The following SH3BGRL variants were observed in gnomAD, a reference collection of about 807,000 sequenced individuals.
SH3BGRL encodes SH3 domain binding glutamate rich protein like.
Under a neutral mutation model 9.8 loss-of-function variants are expected in SH3BGRL, and 7 were observed. That is an observed-to-expected ratio of 0.72 (90% CI 0.41 to 1.35). SH3BGRL has a LOEUF of 1.35. Ranked by LOEUF, SH3BGRL falls within the 40% of genes most tolerant of loss-of-function variation. The pLI, the probability that SH3BGRL is intolerant of heterozygous loss-of-function variation, is 0.01. For synonymous variants in SH3BGRL, 36 were observed against 29.1 expected (o/e 1.24, Z -0.76); for missense variants, 73 against 84.4 (o/e 0.86, Z 0.53).
chrX:81,264,315 A>T (rs961670040), intron 1 of SH3BGRL, among the ~76,000 whole-genome samples: 7 of 111,011 alleles, frequency 6.3e-5, no homozygotes, highest in Non-Finnish European at 9.4e-5. Flanking sequence ...AGTCAGCTAA[A>T]TTTAGACATG....
At chrX:81,265,562 G>A (rs2075754503) in intron 1 of SH3BGRL, among the ~76,000 whole-genome samples, 1 of 111,667 alleles carries the variant, frequency 9.0e-6, no homozygotes, top group African/African-American at 3.3e-5. Context: ...TGGCTGCACA[G>A]TATTCCATGG....
At chrX:81,212,269 A>G (rs919593303) in intron 1 of SH3BGRL, among the ~76,000 whole-genome samples, 1 of 111,261 alleles carries the variant, frequency 9.0e-6, no homozygotes, top group Admixed American at 9.6e-5. Context: ...TAAAGATGTT[A>G]AATTTAAACT....
In SH3BGRL at chrX:81,202,449, T is replaced by A. The variant is rs929702963; in HGVS notation, c.45+204T>A. 9 of 1,003,369 alleles carry A rather than the reference T, an allele frequency of 9.0e-6. No homozygotes were observed. In the Admixed American group the frequency reaches 1.6e-4, roughly 18 times the overall value. The allele number at this position is 1,003,369 out of a possible 1,213,427, so 82.7% of individuals were successfully genotyped here. ...TTTTTCCACATAGAGTTCAGCTTTG[T>A]TTGCTTCGTGACGTTGGGGGGCACA... On this transcript the variant is annotated intron_variant, in intron 1 of 3. Coordinates refer to ENST00000373212, the MANE Select transcript of SH3BGRL (RefSeq NM_003022.3).
intron 1 of SH3BGRL, among the ~76,000 whole-genome samples, chrX:81,269,201 A>G (rs1158893651): frequency 3.6e-5 from 4 of 111,778 alleles, no homozygotes; most frequent in Non-Finnish European, 7.5e-5. Context: ...TAATTGGGGC[A>G]TTTAGCCCAT....
At chrX:81,285,070 G>A (rs1473229877) in intron 3 of SH3BGRL, among the ~76,000 whole-genome samples, 1 of 110,908 alleles carries the variant, frequency 9.0e-6, no homozygotes, top group Non-Finnish European at 1.9e-5. Flanking sequence ...TTGAATTTTG[G>A]TATTTAATAG....
intron 1 of SH3BGRL, among the ~76,000 whole-genome samples, chrX:81,212,755 C>T (rs961249430): frequency 2.7e-5 from 3 of 111,259 alleles, no homozygotes; most frequent in Admixed American, 1.9e-4. Context: ...CTTATGCTGC[C>T]CAAATGCCAG....
intron 1 of SH3BGRL, among the ~76,000 whole-genome samples, chrX:81,269,792 G>C (rs2075771587): frequency 9.0e-6 from 1 of 111,333 alleles, no homozygotes; most frequent in Non-Finnish European, 1.9e-5. Context: ...AGTTCTCCTG[G>C]ATAATATCCT....
At chrX:81,280,853 G>A (rs1269198644) in intron 3 of SH3BGRL, among the ~76,000 whole-genome samples, 1 of 111,238 alleles carries the variant, frequency 9.0e-6, no homozygotes, top group Non-Finnish European at 1.9e-5. Flanking sequence ...AATTCAGGGG[G>A]TTAGTTATTA....
chrX:81,282,531 A>C (rs929165285), intron 3 of SH3BGRL, among the ~76,000 whole-genome samples: 2 of 112,047 alleles, frequency 1.8e-5, no homozygotes, highest in East Asian at 5.6e-4. Context: ...AGGAACCTTC[A>C]AAACCATGGA....
chrX:81,268,663 C>A (rs190692984), intron 1 of SH3BGRL, among the ~76,000 whole-genome samples: 1 of 111,338 alleles, frequency 9.0e-6, no homozygotes, highest in Non-Finnish European at 1.9e-5. Flanking sequence ...AGAATAAGTG[C>A]GATGTGGTGC....
intron 3 of SH3BGRL, among the ~76,000 whole-genome samples, chrX:81,287,657 TG>T (rs1569371166): frequency 9.2e-6 from 1 of 109,007 alleles, no homozygotes; most frequent in African/African-American, 3.4e-5. Flanking sequence ...TGTCTGTGGG[TG>T]GGGGAGTAGG....
intron 1 of SH3BGRL, among the ~76,000 whole-genome samples, chrX:81,233,269 C>T: frequency 8.9e-6 from 1 of 111,920 alleles, no homozygotes; most frequent in East Asian, 2.8e-4. Context: ...TGTTTAAGTG[C>T]AAGACTTATT....
chrX:81,277,687 A>G (rs2075802672), intron 2 of SH3BGRL, among the ~76,000 whole-genome samples: 1 of 112,392 alleles, frequency 8.9e-6, no homozygotes, highest in Admixed American at 9.4e-5. Context: ...ACAGTGTCTG[A>G]CCAGAAATAA....
At chrX:81,252,033 C>T (rs1256369962) in intron 1 of SH3BGRL, among the ~76,000 whole-genome samples, 2 of 111,895 alleles carry the variant, frequency 1.8e-5, no homozygotes, top group East Asian at 2.8e-4. Context: ...AAGATAGTTA[C>T]TTAGGTGTTG....
At chrX:81,270,199 G>T (rs1203575400) in intron 1 of SH3BGRL, among the ~76,000 whole-genome samples, 1 of 111,064 alleles carries the variant, frequency 9.0e-6, no homozygotes, top group Non-Finnish European at 1.9e-5. Context: ...TGTTATTACA[G>T]ACCTTCTGAA....
At chrX:81,270,701 G>C (rs989847769) in intron 1 of SH3BGRL, among the ~76,000 whole-genome samples, 2 of 112,131 alleles carry the variant, frequency 1.8e-5, no homozygotes, top group Non-Finnish European at 3.8e-5. Flanking sequence ...CACTTGAGGA[G>C]GCAGTCTGTC....
intron 1 of SH3BGRL, among the ~76,000 whole-genome samples, chrX:81,259,633 T>G (rs1230007223): frequency 8.9e-6 from 1 of 112,044 alleles, no homozygotes; most frequent in Admixed American, 9.5e-5. Context: ...AAATTTAGTT[T>G]TGGTACTTGA....
chrX:81,229,030 T>C (rs147771334), intron 1 of SH3BGRL, among the ~76,000 whole-genome samples: 1,511 of 112,111 alleles, frequency 0.013, 13 homozygotes, highest in Non-Finnish European at 0.023. Flanking sequence ...AGCTCCTTTT[T>C]AAGGAAGTCT....
In SH3BGRL at chrX:81,255,447, G is replaced by A. The variant is rs193187894; in HGVS notation, c.46-21537G>A. ...CTAAAATTCTGAGAGAATTTTCTGTGGAAATTACCCAGTTATATAATGTGT... is the reference window on the plus strand; with the variant it reads ...CTAAAATTCTGAGAGAATTTTCTGTAGAAATTACCCAGTTATATAATGTGT... On this transcript the variant is annotated intron_variant, in intron 1 of 3. Transcript: ENST00000373212. The A allele has an allele frequency of 1.6e-4, 18 of 111,505 alleles. No individual in the cohort carries two copies. In the East Asian group the frequency reaches 5.1e-3, roughly 31 times the overall value. 9.2% of individuals were successfully genotyped at this position (111,505 alleles called of 1,213,427 possible). A position where few individuals can be genotyped will look rare whatever the true frequency, so the allele number is the denominator to read the frequency against.
Sources: allele counts gnomAD v4.1 joint callset (sites outside exome capture counted in the v4.1 genomes callset), GRCh38; gene constraint gnomAD v4.1.1; transcripts MANE v1.5; gene names NCBI Gene and HGNC (gene_info 2026-07-23, HGNC 2026-07-21).